Variants in TNRC6B observed in about 807,000 individuals in gnomAD.
TNRC6B encodes the protein trinucleotide repeat containing adaptor 6B, also known as trinucleotide repeat-containing gene 6B protein.
Under a neutral mutation model 203.6 loss-of-function variants are expected in TNRC6B, and 52 were observed. The ratio of observed to expected loss-of-function variants is 0.26; its 90% CI spans 0.20 to 0.32. The LOEUF (loss-of-function observed/expected upper bound fraction) is 0.32, where lower values mean the gene tolerates loss of function less well. TNRC6B is among the 10% of genes least tolerant of loss of function. The pLI is 1.00. For synonymous variants in TNRC6B, 838 were observed against 845.7 expected, an observed-to-expected ratio of 0.99 and a Z score of 0.16; for missense variants, 1,923 against 2,286.2, an observed-to-expected ratio of 0.84 and a Z score of 3.24.
chr22:40,106,011 A>G (rs73424258), intron 1 of TNRC6B, among the ~76,000 whole-genome samples: 8 of 151,998 alleles, frequency 5.3e-5, no homozygotes, highest in South Asian at 2.1e-4. Context: ...TTTTGCATCA[A>G]CCTTACTTAC....
At chr22:40,287,517 TC>T (rs1337350947) in intron 12 of TNRC6B, among the ~76,000 whole-genome samples, 2 of 152,168 alleles carry the variant, frequency 1.3e-5, no homozygotes, top group African/African-American at 4.8e-5. Context: ...TGGGACTGTG[TC>T]CCCTTGGCAC....
At position 40,261,898 on chromosome 22, in the gene TNRC6B, C is replaced by T. The variant is rs774433428; in HGVS notation, c.182C>T (p.Ser61Leu). 75 of 1,600,948 alleles carry T rather than the reference C, an allele frequency of 4.7e-5. No homozygotes were observed. The highest frequency in any genetic ancestry group is 1.2e-4 in the Admixed American group (7 of 59,888). ...TAASPIGSSP[S>L]PPVNGGNNAK... The stretch of plus-strand genomic sequence containing the variant: ...GCCAGCCCAATTGGCAGCTCTCCAT[C>T]GCCACCAGTCAATGGTGGCAACAAT... Residue 61 changes from serine to leucine, a missense_variant, in exon 4 of 23, where the codon TCG becomes TTG. Ser to Leu is a moderately radical substitution (Grantham distance 145). Around this residue, in one of 8 missense-constraint regions of TNRC6B, gnomAD observed 111 missense variants for 155.3 expected, o/e 0.71. Coordinates refer to ENST00000454349, the MANE Select transcript of TNRC6B (RefSeq NM_001162501.2).
At chr22:40,142,479 CCA>C (rs1425930642) in intron 3 of TNRC6B, among the ~76,000 whole-genome samples, 2 of 152,100 alleles carry the variant, frequency 1.3e-5, no homozygotes, top group Admixed American at 6.5e-5. Context: ...CATTTCACAT[CCA>C]CTAGAATGGC....
intron 21 of TNRC6B, among the ~76,000 whole-genome samples, chr22:40,319,154 A>C (rs1406982671): frequency 6.6e-6 from 1 of 152,084 alleles, no homozygotes; most frequent in Non-Finnish European, 1.5e-5. Context: ...CTAATTTTAA[A>C]ATGAAAGCTT....
upstream of TNRC6B, among the ~76,000 whole-genome samples, chr22:40,176,319 G>T (rs184112810): frequency 1.5e-3 from 233 of 152,094 alleles, 1 homozygote; most frequent in African/African-American, 5.4e-3. Flanking sequence ...TAGAGACGGG[G>T]TTTCTCCATG....
intron 1 of TNRC6B, among the ~76,000 whole-genome samples, chr22:40,198,265 A>G (rs1304524636): frequency 2.0e-5 from 3 of 152,174 alleles, no homozygotes; most frequent in Admixed American, 6.6e-5. Context: ...TTCTTCATAG[A>G]TGATGCAAAG....
At chr22:40,280,683 A>G (rs561877119) in intron 10 of TNRC6B, among the ~76,000 whole-genome samples, 1 of 152,340 alleles carries the variant, frequency 6.6e-6, no homozygotes, top group South Asian at 2.1e-4. Flanking sequence ...CAGAATACCA[A>G]TTTGCTGTGT....
chr22:40,233,445 A>G (rs1026686313), intron 1 of TNRC6B, among the ~76,000 whole-genome samples: 3 of 152,040 alleles, frequency 2.0e-5, no homozygotes, highest in African/African-American at 7.2e-5. Flanking sequence ...AACATGGCAA[A>G]ACCCCGTCTC....
intron 1 of TNRC6B, among the ~76,000 whole-genome samples, chr22:40,052,453 T>C (rs1180610574): frequency 7.3e-6 from 1 of 137,294 alleles, no homozygotes; most frequent in East Asian, 2.0e-4. Context: ...TATTTTTTTT[T>C]TTTTTTTTTT....
In TNRC6B at chr22:40,265,400, G is replaced by A. The variant is rs764036673; in HGVS notation, c.1170G>A (p.Glu390=). ...ACTTAAGTTCACCAAACCCCATGGA[G>A]AATAAGGGAATGCCCTTTGGAATGG... ...SLNLSSPNPM[E]NKGMPFGMGL... is the part of the protein sequence containing the mutation. Residue 390 remains glutamate (E), a synonymous_variant, in exon 5 of 23, where the codon GAG becomes GAA. Coordinates refer to ENST00000454349, the MANE Select transcript of TNRC6B (RefSeq NM_001162501.2). The A allele has an allele frequency of 2.5e-6, 4 of 1,614,010 alleles. No homozygotes were observed. Among genetic ancestry groups the A allele is most frequent in the Non-Finnish European group, 3.4e-6 (4 of 1,179,888 alleles).
At chr22:40,167,644 C>G (rs1486589179) in intron 4 of TNRC6B, among the ~76,000 whole-genome samples, 1 of 138,780 alleles carries the variant, frequency 7.2e-6, no homozygotes, top group Non-Finnish European at 1.5e-5. Flanking sequence ...CTTTGGGAGA[C>G]CAAAGTGGGA....
intron 12 of TNRC6B, among the ~76,000 whole-genome samples, chr22:40,298,689 G>A (rs571924331): frequency 2.6e-5 from 4 of 152,234 alleles, no homozygotes; most frequent in African/African-American, 7.2e-5. Context: ...AGCTGGGGCC[G>A]GGCGCGGTGG....
Position 40,234,035 on chromosome 22 carries a change from C to G in TNRC6B, c.6-11980C>G, listed in dbSNP as rs148639904. 2.1e-3 allele frequency among the ~76,000 whole-genome samples: 324 copies of G among 152,252 alleles called. 1 individual carries two copies. Among genetic ancestry groups the G allele is most frequent in the Non-Finnish European group, 3.9e-3 (266 of 68,022 alleles). On this transcript the variant is annotated intron_variant, in intron 1 of 22. Transcript: ENST00000454349. ...AGTGCGGTGCTCACACCTGTAATCC[C>G]AACAGTTTGAGAGGCCGATGCAGGA...
intron 2 of TNRC6B, among the ~76,000 whole-genome samples, chr22:40,122,970 C>T (rs2068458559): frequency 2.0e-5 from 3 of 152,144 alleles, no homozygotes; most frequent in Non-Finnish European, 2.9e-5. Flanking sequence ...GGCCACAGCT[C>T]CCCCTCCAGG....
At chr22:40,121,404 A>G (rs1339936521) in intron 2 of TNRC6B, among the ~76,000 whole-genome samples, 2 of 152,242 alleles carry the variant, frequency 1.3e-5, no homozygotes, top group African/African-American at 4.8e-5. Flanking sequence ...GCTTATATGC[A>G]GCGAGTAATT....
chr22:40,046,641 C>G (rs1387282077), intron 1 of TNRC6B, among the ~76,000 whole-genome samples: 1 of 138,128 alleles, frequency 7.2e-6, no homozygotes, highest in Non-Finnish European at 1.6e-5. Flanking sequence ...GAGACAGAGT[C>G]TCAATTTTTT....
chr22:40,247,517 CCTG>C (rs1284743056), intron 2 of TNRC6B, among the ~76,000 whole-genome samples: 2 of 152,076 alleles, frequency 1.3e-5, no homozygotes, highest in Admixed American at 6.5e-5. Flanking sequence ...TGCATATGTC[CCTG>C]CTATGTTAAA....
chr22:40,164,445 TATTTTTTTTTAATTA>T (rs1569004052), intron 4 of TNRC6B, among the ~76,000 whole-genome samples: 1 of 151,432 alleles, frequency 6.6e-6, no homozygotes. Context: ...TGTTCCACTT[TATTTTTTTTTAATTA>T]ATTTTTTTTA....
intron 1 of TNRC6B, among the ~76,000 whole-genome samples, chr22:40,056,275 T>A (rs1320912074): frequency 6.6e-6 from 1 of 152,258 alleles, no homozygotes; most frequent in Non-Finnish European, 1.5e-5. Context: ...GTGATTATGC[T>A]CTGGTAGTGC....
Sources: allele counts gnomAD v4.1 joint callset (sites outside exome capture counted in the v4.1 genomes callset), GRCh38; gene constraint gnomAD v4.1.1; regional missense constraint gnomAD v4.1.1; transcripts MANE v1.5; gene names NCBI Gene and HGNC (gene_info 2026-07-23, HGNC 2026-07-21).